UBE2H: variants seen among roughly 807,000 people sequenced by gnomAD.
UBE2H encodes ubiquitin-conjugating enzyme E2 H.
Under a neutral mutation model 29.0 loss-of-function variants are expected in UBE2H, and 3 were observed. That is an observed-to-expected ratio of 0.10 (90% CI 0.05 to 0.27). UBE2H has a LOEUF of 0.27. Ranked by LOEUF, UBE2H falls within the 10% of genes least tolerant of loss-of-function variation. The pLI is 1.00. For synonymous variants in UBE2H, 69 were observed against 82.9 expected (o/e 0.83, Z 0.91); for missense variants, 68 against 228.2 (o/e 0.30, Z 4.52).
chr7:129,904,077 C>T (rs1028998769), intron 1 of UBE2H, among the ~76,000 whole-genome samples: 1 of 152,192 alleles, frequency 6.6e-6, no homozygotes, highest in African/African-American at 2.4e-5. Context: ...TAATTTCACT[C>T]ATCCAAGCCC....
At chr7:129,890,733 A>G (rs1020712469) in intron 1 of UBE2H, among the ~76,000 whole-genome samples, 1 of 152,208 alleles carries the variant, frequency 6.6e-6, no homozygotes, top group African/African-American at 2.4e-5. Flanking sequence ...TTTGTAATGA[A>G]AGACACTATT....
At chr7:129,839,080 A>AC in intron 6 of UBE2H, 127 bp downstream of exon 6, 1 of 1,378,646 alleles carries the variant, frequency 7.3e-7, no homozygotes, top group Non-Finnish European at 9.8e-7. Flanking sequence ...ACTTCAGCCC[A>AC]CAGCTGTCTC....
chr7:129,851,059 T>A (rs1179181850), intron 5 of UBE2H, among the ~76,000 whole-genome samples: 1 of 152,086 alleles, frequency 6.6e-6, no homozygotes, highest in Non-Finnish European at 1.5e-5. Flanking sequence ...TTTAAAGCAT[T>A]CCAAACCCGC....
intron 1 of UBE2H, among the ~76,000 whole-genome samples, chr7:129,893,336 C>T (rs909271944): frequency 1.3e-5 from 2 of 152,066 alleles, no homozygotes; most frequent in Non-Finnish European, 2.9e-5. Context: ...ATGTATTATT[C>T]CTCCAGACTT....
At chr7:129,905,429 T>C (rs988747528) in intron 1 of UBE2H, among the ~76,000 whole-genome samples, 2 of 152,186 alleles carry the variant, frequency 1.3e-5, no homozygotes, top group South Asian at 4.2e-4. Context: ...TGTTTACCTA[T>C]AGAGACCAGA....
rs1166303466 is a variant in UBE2H, at chr7:129,831,234, T to C, written c.*3703A>G. On this transcript the variant is annotated 3_prime_UTR_variant, in exon 7 of 7. Coordinates refer to ENST00000355621, the MANE Select transcript of UBE2H (RefSeq NM_003344.4). ...GCAGTTCGTTGCGCCCAATCAGAGA[T>C]AGATGATTTCATTCAACAAGGCTGG... is the stretch of plus-strand genomic sequence containing the variant. 1 of 152,198 alleles carries C rather than the reference T, an allele frequency of 6.6e-6. No individual in the cohort carries two copies. Among genetic ancestry groups the C allele is most frequent in the Non-Finnish European group, 1.5e-5 (1 of 68,036 alleles). The allele number at this position is 152,198 out of a possible 1,614,324, so 9.4% of individuals were successfully genotyped here.
intron 1 of UBE2H, among the ~76,000 whole-genome samples, chr7:129,909,960 T>A (rs75094798): frequency 0.063 from 9,506 of 150,936 alleles, 362 homozygotes; most frequent in Non-Finnish European, 0.092. Context: ...ACGAAAAGGG[T>A]TGAAAACAAA....
rs1201140298 is a variant in UBE2H at position 129,832,556 on chromosome 7, A to T, written c.*2381T>A. The T allele has an allele frequency of 6.6e-6, 1 of 152,098 alleles. No individual in the cohort carries two copies. Among genetic ancestry groups the T allele is most frequent in the Non-Finnish European group, 1.5e-5 (1 of 68,122 alleles). The allele number at this position is 152,098 out of a possible 1,614,324, so 9.4% of individuals were successfully genotyped here. On this transcript the variant is annotated 3_prime_UTR_variant, in exon 7 of 7. Transcript: ENST00000355621. ...CTGCTAAACTCCTACAACCTCCCCC[A>T]GCAGGTCATTTGACAATTCTGCATC...
intron 3 of UBE2H, among the ~76,000 whole-genome samples, chr7:129,876,686 C>A (rs78125572): frequency 6.6e-6 from 1 of 152,124 alleles, no homozygotes. Flanking sequence ...TTTGCCATCA[C>A]TTATGATACT....
chr7:129,928,528 G>A (rs892400127), intron 1 of UBE2H, among the ~76,000 whole-genome samples: 5 of 152,156 alleles, frequency 3.3e-5, no homozygotes, highest in Admixed American at 2.6e-4. Context: ...GCTTGAACTC[G>A]GGAGGTGGAG....
At chr7:129,894,778 C>T (rs1353554180) in intron 1 of UBE2H, among the ~76,000 whole-genome samples, 1 of 151,940 alleles carries the variant, frequency 6.6e-6, no homozygotes, top group African/African-American at 2.4e-5. Context: ...CCTGAGCCAC[C>T]GCGCCCGGCC....
chr7:129,948,764 G>A (rs1049253579), intron 1 of UBE2H, among the ~76,000 whole-genome samples: 4 of 152,320 alleles, frequency 2.6e-5, no homozygotes, highest in East Asian at 1.9e-4. Flanking sequence ...TATGGTGTAT[G>A]CCGGTCCCCA....
chr7:129,909,166 A>C (rs962529212), intron 1 of UBE2H, among the ~76,000 whole-genome samples: 11 of 152,224 alleles, frequency 7.2e-5, no homozygotes, highest in African/African-American at 2.4e-4. Flanking sequence ...AAGGAATACA[A>C]AACACAGGAG....
At chr7:129,909,155 G>T (rs1037460429) in intron 1 of UBE2H, among the ~76,000 whole-genome samples, 4 of 152,156 alleles carry the variant, frequency 2.6e-5, no homozygotes, top group African/African-American at 9.7e-5. Flanking sequence ...CTCTCTCAGA[G>T]AAGGAATACA....
chr7:129,942,260 C>T (rs936122060), intron 1 of UBE2H, among the ~76,000 whole-genome samples: 3 of 145,222 alleles, frequency 2.1e-5, no homozygotes, highest in African/African-American at 7.7e-5. Flanking sequence ...CCAGGCTGGG[C>T]GCGGTGGCTC....
chr7:129,942,540 T>A (rs950077284), intron 1 of UBE2H, among the ~76,000 whole-genome samples: 1 of 152,168 alleles, frequency 6.6e-6, no homozygotes, highest in African/African-American at 2.4e-5. Flanking sequence ...ATCCTAACTC[T>A]TATAGTCTGT....
chr7:129,952,143 C>G (rs1160324539), intron 1 of UBE2H, among the ~76,000 whole-genome samples: 1 of 151,570 alleles, frequency 6.6e-6, no homozygotes, highest in Non-Finnish European at 1.5e-5. Context: ...CCAAAGCGAG[C>G]AAACAGGAGA....
In UBE2H at chr7:129,832,224, G is replaced by A. The variant is rs1447357121; in HGVS notation, c.*2713C>T. ...CTCCCACCTCTCCCAGGCGCAGGGAGAGGACAAAAAGCATAAGGGACTCTG... is the reference window on the plus strand; with the variant it reads ...CTCCCACCTCTCCCAGGCGCAGGGAAAGGACAAAAAGCATAAGGGACTCTG... On this transcript the variant is annotated 3_prime_UTR_variant, in exon 7 of 7. Coordinates refer to ENST00000355621, the MANE Select transcript of UBE2H (RefSeq NM_003344.4). 1 of 152,184 alleles carries A rather than the reference G, an allele frequency of 6.6e-6. No homozygotes were observed. The highest frequency in any genetic ancestry group is 1.5e-5 in the Non-Finnish European group (1 of 68,062). 9.4% of individuals were successfully genotyped at this position (152,184 alleles called of 1,614,324 possible).
intron 5 of UBE2H, among the ~76,000 whole-genome samples, chr7:129,848,811 T>C (rs1805557616): frequency 6.7e-6 from 1 of 149,742 alleles, no homozygotes. Context: ...GGTGGGTATC[T>C]ACTATATGCA....
Sources: allele counts gnomAD v4.1 joint callset (sites outside exome capture counted in the v4.1 genomes callset), GRCh38; gene constraint gnomAD v4.1.1; transcripts MANE v1.5; gene names NCBI Gene and HGNC (gene_info 2026-07-23, HGNC 2026-07-21).